Variants in CBLB observed in about 807,000 individuals in gnomAD.
CBLB encodes the protein E3 ubiquitin-protein ligase CBL-B.
CBLB carries 31 observed loss-of-function variants against 104.9 expected under a neutral mutation model. The observed-to-expected ratio is 0.30, with a 90% CI of 0.22 to 0.40. The LOEUF (loss-of-function observed/expected upper bound fraction) is 0.40. Among genes scored for constraint, CBLB ranks in the 10% least tolerant of loss-of-function variants. The pLI is 1.00. For synonymous variants in CBLB, 440 were observed against 422.6 expected, an observed-to-expected ratio of 1.04 and a Z score of -0.51; for missense variants, 1,062 against 1,214.6, an observed-to-expected ratio of 0.87 and a Z score of 1.87.
chr3:105,762,565 G>A (rs1360337504), intron 4 of CBLB, among the ~76,000 whole-genome samples: 2 of 152,230 alleles, frequency 1.3e-5, no homozygotes, highest in Non-Finnish European at 2.9e-5. Context: ...GCTTCCACAT[G>A]GTGTTTGAGC....
At chr3:105,861,684 T>TAC (rs147156324) in intron 2 of CBLB, among the ~76,000 whole-genome samples, 24,492 of 144,936 alleles carry the variant, frequency 0.17, 2,329 homozygotes, top group African/African-American at 0.28. Flanking sequence ...TGTGCACACA[T>TAC]ACACACACAC....
chr3:105,672,365 T>C (rs1178380474), intron 17 of CBLB: 1 of 178,802 alleles, frequency 5.6e-6, no homozygotes, highest in Admixed American at 6.3e-5. Flanking sequence ...TGAATCATTA[T>C]CATGTTCTAT....
chr3:105,734,079 T>C lies in CBLB; in HGVS notation c.1133A>G (p.Glu378Gly). 4 of 1,614,016 alleles carry C rather than the reference T, an allele frequency of 2.5e-6. No individual in the cohort carries two copies. The highest frequency in any genetic ancestry group is 3.4e-6 in the Non-Finnish European group (4 of 1,179,846). ...STFQLCKICA[E>G]NDKDVKIEPC... is the part of the protein sequence containing the mutation. ...CTCAATCTTGACATCTTTGTCATTC[T>C]CTGCACAAATCTTACAGAGCTGAAA... The change falls in exon 9 of 19, where the codon GAG (glutamate) becomes GGG (glycine). Residue 378 changes from glutamate to glycine, a missense_variant. Physicochemically the swap from Glu to Gly is moderately conservative, Grantham distance 98. This residue lies in a region of CBLB where 457 missense variants were observed against 632.0 expected (regional missense o/e 0.72). Coordinates refer to ENST00000394030, the MANE Select transcript of CBLB (RefSeq NM_170662.5).
In CBLB at chr3:105,698,258, G is replaced by A. The variant is rs755305099; in HGVS notation, c.1959+3836C>T. On this transcript the variant is annotated intron_variant, in intron 12 of 18. Transcript: ENST00000394030. ...GAGCTAGAATAATTTTTTCCTCAGAGCTCTCTACAATTACCAAATGGAGTA... is the reference window on the plus strand; with the variant it reads ...GAGCTAGAATAATTTTTTCCTCAGAACTCTCTACAATTACCAAATGGAGTA... Among the ~76,000 whole-genome samples, 6 of 151,902 alleles carry A rather than the reference G, an allele frequency of 3.9e-5. No individual in the cohort carries two copies. In the East Asian group the frequency reaches 1.2e-3, roughly 29 times the overall value.
intron 5 of CBLB, among the ~76,000 whole-genome samples, chr3:105,750,449 T>C (rs1265182272): frequency 6.6e-6 from 1 of 152,170 alleles, no homozygotes; most frequent in Non-Finnish European, 1.5e-5. Flanking sequence ...AGAGAATCAA[T>C]GTTACTTCAG....
intron 4 of CBLB, among the ~76,000 whole-genome samples, chr3:105,756,465 T>C (rs1271432129): frequency 6.6e-6 from 1 of 152,068 alleles, no homozygotes; most frequent in Non-Finnish European, 1.5e-5. Context: ...CACAGAGATA[T>C]AAAAAACATA....
At chr3:105,682,511 C>CT (rs1167854643) in intron 14 of CBLB, among the ~76,000 whole-genome samples, 6 of 151,874 alleles carry the variant, frequency 4.0e-5, no homozygotes, top group Non-Finnish European at 5.9e-5. Flanking sequence ...GTTGTTGGGG[C>CT]TTTTTTTGTT....
chr3:105,801,499 C>T (rs1439458271), intron 3 of CBLB, among the ~76,000 whole-genome samples: 1 of 152,162 alleles, frequency 6.6e-6, no homozygotes, highest in African/African-American at 2.4e-5. Flanking sequence ...TTTAAGTAAG[C>T]ATTAACCATT....
At chr3:105,837,486 T>G (rs1414271962) in intron 3 of CBLB, among the ~76,000 whole-genome samples, 1 of 152,186 alleles carries the variant, frequency 6.6e-6, no homozygotes, top group Non-Finnish European at 1.5e-5. Context: ...ACAGAACTAA[T>G]AAGTCAATAA....
rs193077190 is a variant in CBLB, at chr3:105,800,055, C to G, written c.420-23513G>C. ...ATGTCCTGGTAAAAACATTTGATAA[C>G]AAGTCTGAAGATCTGAGTTCTAGTT... On this transcript the variant is annotated intron_variant, in intron 3 of 18. Transcript: ENST00000394030. 9.5e-4 allele frequency among the ~76,000 whole-genome samples: 145 copies of G among 152,244 alleles called. 1 individual carries two copies. The highest frequency in any genetic ancestry group is 3.1e-3 in the African/African-American group (130 of 41,548).
chr3:105,861,996 C>T (rs1268865644), intron 2 of CBLB, among the ~76,000 whole-genome samples: 1 of 152,106 alleles, frequency 6.6e-6, no homozygotes, highest in Non-Finnish European at 1.5e-5. Flanking sequence ...CTTCTTAAAG[C>T]TGTTTGTACC....
At chr3:105,729,761 CT>C (rs1291629581) in intron 9 of CBLB, among the ~76,000 whole-genome samples, 3 of 152,000 alleles carry the variant, frequency 2.0e-5, no homozygotes, top group African/African-American at 7.2e-5. Context: ...GATACGAGAC[CT>C]TCAGCATATC....
intron 2 of CBLB, among the ~76,000 whole-genome samples, chr3:105,859,739 A>G (rs35250165): frequency 0.11 from 16,107 of 151,500 alleles, 983 homozygotes; most frequent in Non-Finnish European, 0.14. Context: ...ACAGTGACCT[A>G]AAGTATATAT....
In CBLB at chr3:105,655,733, A is replaced by G. The variant is rs1457690966; in HGVS notation, c.*3237T>C. 1 of 203,864 alleles carries G rather than the reference A, an allele frequency of 4.9e-6. No homozygotes were observed. The highest frequency in any genetic ancestry group is 1.0e-5 in the Non-Finnish European group (1 of 99,380). The allele number at this position is 203,864 out of a possible 1,614,324, so 12.6% of individuals were successfully genotyped here. A position where few individuals can be genotyped will look rare whatever the true frequency, so the allele number is the denominator to read the frequency against. ...CAACAGGTAGTACCTGAATTATTCA[A>G]GTATACTGTAATTTGCTTCCAAATC... On this transcript the variant is annotated 3_prime_UTR_variant, in exon 19 of 19. Transcript: ENST00000394030.
At chr3:105,702,499 A>AAAAT (rs2069365565) in intron 11 of CBLB, 40 bp from the exon 12 acceptor site, 1 of 1,376,214 alleles carries the variant, frequency 7.3e-7, no homozygotes, top group African/African-American at 1.5e-5. Flanking sequence ...AAAAAAAAAA[A>AAAAT]CTAAAGGTTG....
intron 4 of CBLB, among the ~76,000 whole-genome samples, chr3:105,771,605 C>T (rs931989428): frequency 5.3e-5 from 8 of 152,102 alleles, no homozygotes. Flanking sequence ...TCATCATTCA[C>T]TGATGATATG....
intron 5 of CBLB, 27 bp from the exon 6 acceptor site, chr3:105,746,065 T>C: frequency 6.8e-7 from 1 of 1,460,600 alleles, no homozygotes; most frequent in South Asian, 1.1e-5. Context: ...TTAAAAGAGA[T>C]TAGTATCTAG....
At chr3:105,719,032 C>T (rs995631048) in intron 10 of CBLB, among the ~76,000 whole-genome samples, 2 of 152,152 alleles carry the variant, frequency 1.3e-5, no homozygotes, top group Admixed American at 6.5e-5. Context: ...TCTCAGTGAA[C>T]TGACAAGGTC....
intron 7 of CBLB, among the ~76,000 whole-genome samples, chr3:105,739,265 T>G (rs991841434): frequency 3.3e-5 from 5 of 152,206 alleles, no homozygotes; most frequent in Non-Finnish European, 5.9e-5. Flanking sequence ...ATCTCATCAC[T>G]TTTTTTCTTT....
Sources: gnomAD v4.1 joint callset for allele counts (sites outside exome capture counted in the v4.1 genomes callset) on GRCh38, gnomAD v4.1.1 for gene constraint, gnomAD v4.1.1 regional missense constraint, MANE v1.5 for transcripts, NCBI Gene and HGNC (gene_info 2026-07-23, HGNC 2026-07-21) for gene names.